PRKCE: variants seen among roughly 807,000 people sequenced by gnomAD.
PRKCE encodes protein kinase C epsilon type.
A neutral mutation model predicts 85.4 loss-of-function variants in PRKCE; 16 were observed. The observed-to-expected ratio is 0.19, with a 90% CI of 0.13 to 0.28. The LOEUF (loss-of-function observed/expected upper bound fraction) is 0.28, where lower values mean the gene tolerates loss of function less well. Ranked by LOEUF, PRKCE falls within the 10% of genes least tolerant of loss-of-function variation. The probability of loss-of-function intolerance (pLI) is 1.00; values close to 1 mark genes in which losing one functional copy is unlikely to be tolerated. For synonymous variants in PRKCE, 388 were observed against 371.5 expected (o/e 1.04, Z -0.51); for missense variants, 573 against 975.2 (o/e 0.59, Z 5.49).
intron 11 of PRKCE, among the ~76,000 whole-genome samples, chr2:46,141,159 C>T (rs1675481304): frequency 6.7e-6 from 1 of 149,910 alleles, no homozygotes; most frequent in African/African-American, 2.5e-5. Flanking sequence ...TAGTTACCCT[C>T]ACATATGTGC....
intron 10 of PRKCE, among the ~76,000 whole-genome samples, chr2:46,011,183 G>C (rs540382436): frequency 2.6e-5 from 4 of 152,134 alleles, no homozygotes; most frequent in Non-Finnish European, 4.4e-5. Context: ...TTGAGGGGTT[G>C]GGAGGAGTTA....
rs1355127728 is a variant in PRKCE at position 45,697,007 on chromosome 2, C to G, written c.348+44559C>G. Among the ~76,000 whole-genome samples, 1 of 152,192 alleles carries G rather than the reference C, an allele frequency of 6.6e-6. No homozygotes were observed. Among genetic ancestry groups the G allele is most frequent in the Non-Finnish European group, 1.5e-5 (1 of 68,028 alleles). On this transcript the variant is annotated intron_variant, in intron 1 of 14. Transcript: ENST00000306156. The surrounding 1 kb of genome is among the most constrained non-coding windows in gnomAD (Gnocchi z 4.2). ...TCTTCTTTCCCCCTTGGCTTTTGTA[C>G]TTGCCACCAAGGCCCATGTTTGGTG... is the stretch of plus-strand genomic sequence containing the variant.
chr2:46,013,262 C>T (rs1348436957), intron 10 of PRKCE, among the ~76,000 whole-genome samples: 1 of 152,184 alleles, frequency 6.6e-6, no homozygotes, highest in Non-Finnish European at 1.5e-5. Context: ...AGCTATTATT[C>T]ACCTGACTCT....
intron 2 of PRKCE, among the ~76,000 whole-genome samples, chr2:45,927,882 A>G (rs976992836): frequency 1.4e-5 from 2 of 146,468 alleles, no homozygotes; most frequent in Non-Finnish European, 3.0e-5. Flanking sequence ...GGCTTCGTGT[A>G]GATGTATGCC....
At chr2:46,074,448 A>T (rs938246463) in intron 10 of PRKCE, among the ~76,000 whole-genome samples, 9 of 146,580 alleles carry the variant, frequency 6.1e-5, no homozygotes, top group African/African-American at 2.3e-4. Context: ...AAAAAAAAAA[A>T]GAAAAACACG....
At chr2:45,930,255 G>C (rs985548951) in intron 2 of PRKCE, among the ~76,000 whole-genome samples, 3 of 152,198 alleles carry the variant, frequency 2.0e-5, no homozygotes, top group Non-Finnish European at 4.4e-5. Flanking sequence ...TTTGGTGTTT[G>C]GAAAGCGCAT....
chr2:46,088,353 C>T lies in PRKCE; in HGVS notation c.1592+1991C>T, dbSNP rs1669847504. Among the ~76,000 whole-genome samples the T allele has an allele frequency of 2.0e-5, 3 of 152,244 alleles. No individual in the cohort carries two copies. In the South Asian group the frequency reaches 6.2e-4, roughly 32 times the overall value. On this transcript the variant is annotated intron_variant, in intron 11 of 14. Transcript: ENST00000306156. ...CACCTCCTCTGTCCAGCCCCAAAAC[C>T]CCATGTAGCACTGCCTGCCTGGCCC...
intron 11 of PRKCE, among the ~76,000 whole-genome samples, chr2:46,130,262 A>G (rs1260638711): frequency 6.6e-6 from 1 of 152,084 alleles, no homozygotes; most frequent in Non-Finnish European, 1.5e-5. Flanking sequence ...TGTCATATTT[A>G]CACTATATGT....
intron 11 of PRKCE, among the ~76,000 whole-genome samples, chr2:46,119,251 G>A (rs546580527): frequency 1.2e-4 from 18 of 151,902 alleles, no homozygotes; most frequent in South Asian, 2.1e-4. Flanking sequence ...TACAGTAGCA[G>A]CTTTCCTTCT....
chr2:46,086,993 C>T (rs1262155439), intron 11 of PRKCE, among the ~76,000 whole-genome samples: 1 of 152,136 alleles, frequency 6.6e-6, no homozygotes, highest in African/African-American at 2.4e-5. Flanking sequence ...ATGAAGAGAA[C>T]AAAACTACAA....
chr2:45,770,634 GCATCTTTACTT>G (rs1259972843), intron 1 of PRKCE: 1 of 152,170 alleles, frequency 6.6e-6, no homozygotes, highest in Non-Finnish European at 1.5e-5. Context: ...ACAGTTATGG[GCATCTTTACTT>G]CATAGGTGGA....
intron 11 of PRKCE, among the ~76,000 whole-genome samples, chr2:46,107,499 A>G (rs143515910): frequency 6.6e-6 from 1 of 152,318 alleles, no homozygotes; most frequent in Non-Finnish European, 1.5e-5. Flanking sequence ...TTTGATGATT[A>G]TGAGTAAAGC....
chr2:46,084,520 A>G (rs1364325181), intron 10 of PRKCE, among the ~76,000 whole-genome samples: 1 of 151,960 alleles, frequency 6.6e-6, no homozygotes, highest in Non-Finnish European at 1.5e-5. Flanking sequence ...TCAGGAGATC[A>G]AGACCATCCT....
chr2:45,951,513 C>A (rs774976072), intron 2 of PRKCE, among the ~76,000 whole-genome samples: 1 of 152,196 alleles, frequency 6.6e-6, no homozygotes, highest in Non-Finnish European at 1.5e-5. Context: ...AGAAAGACAG[C>A]CCTTTTGGCT....
At chr2:45,988,310 A>G (rs935658394) in intron 6 of PRKCE, among the ~76,000 whole-genome samples, 2 of 152,130 alleles carry the variant, frequency 1.3e-5, no homozygotes, top group African/African-American at 4.8e-5. Flanking sequence ...ACGAGGAGGG[A>G]TCCATGAGAC....
At chr2:46,183,406 C>T (rs1680185691) in intron 14 of PRKCE, among the ~76,000 whole-genome samples, 2 of 152,174 alleles carry the variant, frequency 1.3e-5, no homozygotes, top group Admixed American at 1.3e-4. Context: ...AATATTATTT[C>T]TCCTACAAAT....
intron 2 of PRKCE, among the ~76,000 whole-genome samples, chr2:45,910,385 C>A (rs774660884): frequency 3.9e-5 from 6 of 152,210 alleles, no homozygotes; most frequent in Non-Finnish European, 8.8e-5. Context: ...CCTGAAAACA[C>A]TTGCCATCCA....
In PRKCE at chr2:46,145,186, G is replaced by A. The variant is rs55798518; in HGVS notation, c.1686G>A (p.Val562=). 1.0e-4 allele frequency: 162 copies of A among 1,599,614 alleles called. No individual in the cohort carries two copies. The highest frequency in any genetic ancestry group is 1.3e-4 in the Non-Finnish European group (153 of 1,179,974). Residue 562 remains valine (V), a synonymous_variant, in exon 12 of 15, where the codon GTG becomes GTA. Transcript: ENST00000306156. The surrounding 1 kb of genome is among the most constrained non-coding windows in gnomAD (Gnocchi z 4.6). The part of the protein sequence containing the change: ...GMCKEGILNG[V]TTTTFCGTPD... ...GCAAGGAAGGGATTCTGAATGGTGT[G>A]ACGACCACCACGTTCTGTGGGACTC...
At chr2:45,935,264 T>G (rs773469528) in intron 2 of PRKCE, among the ~76,000 whole-genome samples, 4 of 152,200 alleles carry the variant, frequency 2.6e-5, no homozygotes, top group Non-Finnish European at 5.9e-5. Context: ...ACATACATCT[T>G]TTCTTTGCAT....
Sources: gnomAD v4.1 joint callset for allele counts (sites outside exome capture counted in the v4.1 genomes callset) on GRCh38, gnomAD v4.1.1 for gene constraint, Gnocchi (gnomAD v3.1) non-coding constraint, MANE v1.5 for transcripts, NCBI Gene and HGNC (gene_info 2026-07-23, HGNC 2026-07-21) for gene names.